PLSCR2: variants seen among roughly 807,000 people sequenced by gnomAD.
PLSCR2 encodes the protein phospholipid scramblase 2.
Under a neutral mutation model 25.3 loss-of-function variants are expected in PLSCR2, and 18 were observed. The observed-to-expected ratio is 0.71, with a 90% CI of 0.49 to 1.06. The LOEUF is 1.06. PLSCR2 is among the 50% of genes least tolerant of loss of function. The probability of loss-of-function intolerance (pLI) is 0.00; values close to 1 mark genes in which losing one functional copy is unlikely to be tolerated. For synonymous variants in PLSCR2, 88 were observed against 87.3 expected (o/e 1.01, Z -0.04); for missense variants, 243 against 269.5 (o/e 0.90, Z 0.69).
chr3:146,482,286 G>A (rs1460592795), intron 1 of PLSCR2, among the ~76,000 whole-genome samples: 1 of 152,076 alleles, frequency 6.6e-6, no homozygotes, highest in Non-Finnish European at 1.5e-5. Context: ...GAGTGAGCAG[G>A]CAACCTACAG....
downstream of PLSCR2, among the ~76,000 whole-genome samples, chr3:146,430,092 G>A (rs1475573937): frequency 6.6e-6 from 1 of 152,150 alleles, no homozygotes; most frequent in Non-Finnish European, 1.5e-5. Flanking sequence ...AAAATTTGAA[G>A]CATAGCCATG....
rs1240557758 is a variant in PLSCR2, at chr3:146,435,107, T to G, written c.*35-1590A>C. 2.6e-5 allele frequency among the ~76,000 whole-genome samples: 4 copies of G among 152,156 alleles called. No homozygotes were observed. In the East Asian group the frequency reaches 7.7e-4, roughly 29 times the overall value. ...CCCTACAAAGGACATGAACTCATCA[T>G]TTTTTATGGCTGCATAGTATTCCAT... On this transcript the variant is annotated intron_variant, in intron 8 of 8. Transcript: ENST00000336685.
intron 1 of PLSCR2, among the ~76,000 whole-genome samples, chr3:146,482,410 G>T (rs1011223107): frequency 6.6e-6 from 1 of 152,134 alleles, no homozygotes; most frequent in Non-Finnish European, 1.5e-5. Context: ...CAAAAAGTGA[G>T]CAAAGGATAT....
intron 2 of PLSCR2, among the ~76,000 whole-genome samples, chr3:146,419,712 T>C (rs1261308364): frequency 6.6e-6 from 1 of 152,098 alleles, no homozygotes; most frequent in Non-Finnish European, 1.5e-5. Context: ...AGAGGCTGCC[T>C]GTATCCCTTG....
intron 6 of PLSCR2, among the ~76,000 whole-genome samples, chr3:146,446,765 G>C (rs1229665880): frequency 1.3e-5 from 2 of 152,140 alleles, no homozygotes; most frequent in Non-Finnish European, 2.9e-5. Flanking sequence ...TCATGGTCCT[G>C]GGTAGGTCCA....
At chr3:146,409,123 T>C (rs2038757343) in intron 2 of PLSCR2, among the ~76,000 whole-genome samples, 5 of 152,008 alleles carry the variant, frequency 3.3e-5, no homozygotes. Context: ...TTATGGGTTT[T>C]CCAATTATAC....
At chr3:146,473,055 C>A (rs143315057) in intron 1 of PLSCR2, among the ~76,000 whole-genome samples, 4 of 152,290 alleles carry the variant, frequency 2.6e-5, no homozygotes, top group African/African-American at 9.6e-5. Context: ...CCCTCCTTTT[C>A]TCTGGGGTAC....
At chr3:146,423,265 CT>C (rs2039217097) in intron 2 of PLSCR2, among the ~76,000 whole-genome samples, 7 of 146,116 alleles carry the variant, frequency 4.8e-5, no homozygotes, top group African/African-American at 1.3e-4. Context: ...CTCTCTCTCT[CT>C]CTCTCTCTCT....
exon 9 of PLSCR2, chr3:146,433,386 A>C (rs2039624026): frequency 6.6e-6 from 1 of 152,100 alleles, no homozygotes; most frequent in South Asian, 2.1e-4. Flanking sequence ...ATGTTTATCT[A>C]GTATTTGAAT....
intron 6 of PLSCR2, 39 bp downstream of exon 6, chr3:146,449,167 G>A: frequency 7.0e-7 from 1 of 1,428,320 alleles, no homozygotes; most frequent in Non-Finnish European, 9.8e-7. Context: ...TGATTCTAGA[G>A]AAGCCATCTG....
At chr3:146,491,183 T>C (rs1003493430) in intron 1 of PLSCR2, among the ~76,000 whole-genome samples, 5 of 152,144 alleles carry the variant, frequency 3.3e-5, no homozygotes, top group Non-Finnish European at 7.4e-5. Flanking sequence ...CCCCAATCTC[T>C]TCTGGCTTGT....
Position 146,455,238 on chromosome 3 carries a change from C to T in PLSCR2, c.321+1G>A. The T allele has an allele frequency of 1.2e-6, 2 of 1,604,300 alleles. No homozygotes were observed. The highest frequency in any genetic ancestry group is 1.7e-6 in the Non-Finnish European group (2 of 1,171,116). The stretch of plus-strand genomic sequence containing the variant: ...AAAAGCTCTAGTAATTGCTCACATA[C>T]CTCCTGAAGGCAGCAGGGGCAACAA... On this transcript the variant is annotated splice_donor_variant, in intron 4 of 6. Coordinates refer to ENST00000610787, the Ensembl canonical transcript of PLSCR2. LOFTEE classifies it high-confidence loss of function.
chr3:146,468,664 TAGG>T (rs1357259909), intron 1 of PLSCR2, among the ~76,000 whole-genome samples: 7 of 152,200 alleles, frequency 4.6e-5, no homozygotes, highest in Non-Finnish European at 8.8e-5. Context: ...CCCTCACAAA[TAGG>T]AGTTTTCCTT....
In PLSCR2 at chr3:146,408,412, G is replaced by A. The variant is rs141643476; in HGVS notation, c.101-12491C>T. 1.1e-3 allele frequency among the ~76,000 whole-genome samples: 165 copies of A among 152,140 alleles called. 1 individual carries two copies. The highest frequency in any genetic ancestry group is 3.8e-3 in the African/African-American group (158 of 41,496). ...TTCTTCTGTGTCTGTCCAAATTAAC[G>A]GGCCATTTCATCCTGCACCTCTTGG... is the stretch of plus-strand genomic sequence containing the variant. On this transcript the variant is annotated intron_variant and NMD_transcript_variant, in intron 2 of 3. Coordinates refer to the PLSCR2 transcript ENST00000463633.
chr3:146,414,649 A>G (rs1379269537), intron 2 of PLSCR2, among the ~76,000 whole-genome samples: 3 of 152,088 alleles, frequency 2.0e-5, no homozygotes, highest in Non-Finnish European at 4.4e-5. Context: ...TTTCATCCAC[A>G]TAAAAGAAAT....
intron 2 of PLSCR2, among the ~76,000 whole-genome samples, chr3:146,418,365 C>T (rs1166349257): frequency 1.4e-4 from 21 of 152,152 alleles, no homozygotes; most frequent in Admixed American, 1.4e-3. Context: ...TCCAAAATCT[C>T]ACCATGTAAA....
intron 1 of PLSCR2, among the ~76,000 whole-genome samples, chr3:146,473,303 C>CTTT (rs35755415): frequency 0.07 from 8,436 of 121,224 alleles, 457 homozygotes; most frequent in African/African-American, 0.11. Flanking sequence ...AAAGTACTAT[C>CTTT]TTTTTTTTTT....
At chr3:146,455,123 C>T in intron 4 of PLSCR2, 116 bp downstream of exon 4, 1 of 691,532 alleles carries the variant, frequency 1.4e-6, no homozygotes, top group Non-Finnish European at 2.5e-6. Context: ...GAAGCCCAAA[C>T]ATATAGCTCA....
chr3:146,407,571 T>G (rs1272040893), intron 2 of PLSCR2, among the ~76,000 whole-genome samples: 6 of 152,198 alleles, frequency 3.9e-5, no homozygotes, highest in African/African-American at 1.4e-4. Context: ...TCTGTTAGGC[T>G]TTGAAAATGG....
Sources: allele counts gnomAD v4.1 joint callset (sites outside exome capture counted in the v4.1 genomes callset), GRCh38; gene constraint gnomAD v4.1.1; transcripts MANE v1.5; gene names NCBI Gene and HGNC (gene_info 2026-07-23, HGNC 2026-07-21).